The following MYO9A variants were observed in gnomAD, a reference collection of about 807,000 sequenced individuals.
The protein encoded by MYO9A is myosin IXA.
In MYO9A, 103 loss-of-function variants were observed where a neutral mutation model predicts 293.3. That is an observed-to-expected ratio of 0.35 (90% CI 0.30 to 0.41). The LOEUF is 0.41. Among genes scored for constraint, MYO9A ranks in the 10% least tolerant of loss-of-function variants. MYO9A has a pLI of 1.00. For synonymous variants in MYO9A, 1,001 were observed against 1,035.7 expected, an observed-to-expected ratio of 0.97 and a Z score of 0.64; for missense variants, 2,685 against 3,033.0, an observed-to-expected ratio of 0.89 and a Z score of 2.69.
At chr15:71,986,610 A>G (rs746274360) in intron 11 of MYO9A, among the ~76,000 whole-genome samples, 1 of 152,228 alleles carries the variant, frequency 6.6e-6, no homozygotes, top group Non-Finnish European at 1.5e-5. Context: ...ATGTATGTAT[A>G]CATGCTAACA....
At chr15:71,938,216 A>G (rs2058687045) in intron 16 of MYO9A, among the ~76,000 whole-genome samples, 1 of 152,126 alleles carries the variant, frequency 6.6e-6, no homozygotes, top group Admixed American at 6.6e-5. Flanking sequence ...CATTTTAATG[A>G]CAGACCATCC....
At chr15:71,927,607 T>C (rs549728279) in intron 18 of MYO9A, among the ~76,000 whole-genome samples, 1 of 152,260 alleles carries the variant, frequency 6.6e-6, no homozygotes, top group African/African-American at 2.4e-5. Context: ...AGGGTGGATT[T>C]TGCATCTCAC....
intron 13 of MYO9A, chr15:71,960,350 T>G: frequency 2.4e-6 from 1 of 418,930 alleles, no homozygotes; most frequent in Non-Finnish European, 4.2e-6. Flanking sequence ...TATTTAAAAG[T>G]GTGGCACTCC....
At chr15:72,079,794 A>G (rs1395293057) in intron 1 of MYO9A, among the ~76,000 whole-genome samples, 1 of 152,262 alleles carries the variant, frequency 6.6e-6, no homozygotes, top group Admixed American at 6.5e-5. Flanking sequence ...TGTAGGCTTC[A>G]GAATCTGAAG....
chr15:72,023,629 A>C (rs974145090), intron 4 of MYO9A, among the ~76,000 whole-genome samples: 1 of 149,784 alleles, frequency 6.7e-6, no homozygotes, highest in Admixed American at 6.7e-5. Flanking sequence ...CAGGAGGCGA[A>C]GGTTGTACTA....
intron 18 of MYO9A, among the ~76,000 whole-genome samples, chr15:71,933,294 T>C (rs2058531626): frequency 6.6e-6 from 1 of 152,156 alleles, no homozygotes; most frequent in South Asian, 2.1e-4. Flanking sequence ...ACATTTATTA[T>C]AGATAATTGG....
intron 6 of MYO9A, among the ~76,000 whole-genome samples, chr15:72,011,641 T>C (rs1302300183): frequency 6.6e-6 from 1 of 152,156 alleles, no homozygotes; most frequent in African/African-American, 2.4e-5. Context: ...AAATACTACT[T>C]TTTAAGCATA....
chr15:71,968,310 T>C (rs1050069827), intron 12 of MYO9A, among the ~76,000 whole-genome samples, 185 bp from the exon 13 acceptor site: 33 of 152,120 alleles, frequency 2.2e-4, no homozygotes, highest in Admixed American at 2.1e-3. Flanking sequence ...TAAATATTGG[T>C]GTTACTATTT....
chr15:72,111,458 C>T (rs1319770411), intron 1 of MYO9A, among the ~76,000 whole-genome samples: 4 of 150,098 alleles, frequency 2.7e-5, no homozygotes, highest in Non-Finnish European at 5.9e-5. Context: ...CACTGCACTC[C>T]AGCCTGGGTG....
intron 1 of MYO9A, among the ~76,000 whole-genome samples, chr15:72,072,622 G>C (rs868704372): frequency 2.6e-5 from 4 of 152,144 alleles, no homozygotes; most frequent in African/African-American, 9.7e-5. Flanking sequence ...AATGCAGCTG[G>C]AGGCCATTAT....
intron 19 of MYO9A, among the ~76,000 whole-genome samples, chr15:71,907,076 A>C: frequency 6.9e-6 from 1 of 145,702 alleles, no homozygotes; most frequent in African/African-American, 2.6e-5. Flanking sequence ...TATATCTCCC[A>C]ATGCTATCCC....
intron 12 of MYO9A, among the ~76,000 whole-genome samples, chr15:71,976,222 C>A (rs979175577): frequency 2.0e-5 from 3 of 152,244 alleles, no homozygotes; most frequent in South Asian, 4.1e-4. Context: ...GGGGAAAAAA[C>A]CCCACACATT....
chr15:72,078,222 G>A (rs2079431474), intron 1 of MYO9A, among the ~76,000 whole-genome samples: 1 of 152,140 alleles, frequency 6.6e-6, no homozygotes, highest in South Asian at 2.1e-4. Context: ...GGCTTGCCAG[G>A]GTGGCTCATG....
At chr15:71,882,675 T>C (rs1407901577) in intron 28 of MYO9A, among the ~76,000 whole-genome samples, 3 of 152,196 alleles carry the variant, frequency 2.0e-5, no homozygotes, top group African/African-American at 7.2e-5. Flanking sequence ...AGGCATCTGC[T>C]AGGTACTGAA....
chr15:71,983,769 C>G (rs2076340822), intron 11 of MYO9A, among the ~76,000 whole-genome samples: 1 of 152,104 alleles, frequency 6.6e-6, no homozygotes, highest in South Asian at 2.1e-4. Context: ...AGGCGTGAGC[C>G]ACCACGCCCA....
In MYO9A at chr15:72,027,772, T is replaced by A; in HGVS notation, c.957A>T (p.Leu319=). Residue 319 remains leucine, a synonymous_variant, in exon 4 of 42, where the codon CTA becomes CTT. Coordinates refer to ENST00000356056, the MANE Select transcript of MYO9A (RefSeq NM_006901.4). ...GATAAACGAGTCTGGACTTCTCCAG[T>A]AGATATTTTTCAACATAGGCACTAC... ...TVLGAYVEKY[L]LEKSRLVYQE... 6.2e-7 allele frequency: 1 copy of A among 1,608,920 alleles called. No homozygotes were observed. The highest frequency in any genetic ancestry group is 8.5e-7 in the Non-Finnish European group (1 of 1,178,144).
At chr15:72,002,940 GT>G (rs2076909402) in intron 8 of MYO9A, among the ~76,000 whole-genome samples, 1 of 152,172 alleles carries the variant, frequency 6.6e-6, no homozygotes, top group Non-Finnish European at 1.5e-5. Flanking sequence ...CAAGTAAAAT[GT>G]TAGAACTGAT....
intron 15 of MYO9A, among the ~76,000 whole-genome samples, chr15:71,948,657 T>C (rs960648409): frequency 6.6e-6 from 1 of 152,170 alleles, no homozygotes; most frequent in African/African-American, 2.4e-5. Context: ...ACCCCTACTA[T>C]AGACCCAAGT....
intron 6 of MYO9A, among the ~76,000 whole-genome samples, chr15:72,017,010 C>A (rs1405083421): frequency 1.7e-5 from 1 of 58,276 alleles, no homozygotes; most frequent in African/African-American, 6.2e-5. Flanking sequence ...GAGCCCAAAT[C>A]TTTTTTTTTT....
Sources: gnomAD v4.1 joint callset for allele counts (sites outside exome capture counted in the v4.1 genomes callset) on GRCh38, gnomAD v4.1.1 for gene constraint, MANE v1.5 for transcripts, NCBI Gene and HGNC (gene_info 2026-07-23, HGNC 2026-07-21) for gene names.